Variants in SLMAP observed in about 807,000 individuals in gnomAD.
The protein encoded by SLMAP is sarcolemma associated protein, also known as sarcolemmal membrane-associated protein.
SLMAP carries 44 observed loss-of-function variants against 128.8 expected under a neutral mutation model. That is an observed-to-expected ratio of 0.34 (90% CI 0.27 to 0.44). The LOEUF is 0.44. Ranked by LOEUF, SLMAP falls within the 20% of genes least tolerant of loss-of-function variation. The pLI is 1.00. For missense variants in SLMAP, 787 were observed against 985.3 expected, an observed-to-expected ratio of 0.80 and a Z score of 2.69; for synonymous variants, 327 against 348.8, an observed-to-expected ratio of 0.94 and a Z score of 0.70.
intron 17 of SLMAP, among the ~76,000 whole-genome samples, chr3:57,904,558 A>T (rs374388466): frequency 1.3e-5 from 2 of 152,212 alleles, no homozygotes; most frequent in African/African-American, 4.8e-5. Flanking sequence ...ACATGGGTAC[A>T]TTACTATTCT....
rs550798916 is a variant in SLMAP at position 57,910,564 on chromosome 3, C to T, written c.1699+1414C>T. ...TGATAATGGCTGTTCTTCTTATCAC[C>T]ATTTTGCTATTTCTTTGTCTGGGCT... On this transcript the variant is annotated intron_variant, in intron 19 of 24. Coordinates refer to ENST00000671191, the MANE Select transcript of SLMAP (RefSeq NM_001377540.1). 3.9e-4 allele frequency among the ~76,000 whole-genome samples: 60 copies of T among 152,300 alleles called. No homozygotes were observed. In the South Asian group the frequency reaches 0.012, roughly 31 times the overall value.
chr3:57,835,905 C>T (rs1205562894), intron 3 of SLMAP, among the ~76,000 whole-genome samples: 2 of 152,078 alleles, frequency 1.3e-5, no homozygotes, highest in African/African-American at 2.4e-5. Flanking sequence ...CTTTTGAATA[C>T]ACTTATAATA....
chr3:57,923,050 TTTGA>T, intron 23 of SLMAP, 27 bp downstream of exon 23: 2 of 1,609,238 alleles, frequency 1.2e-6, no homozygotes, highest in Non-Finnish European at 1.7e-6. Flanking sequence ...TTGGCTTAGC[TTTGA>T]TTGAGAGGCA....
intron 8 of SLMAP, 50 bp downstream of exon 8, chr3:57,858,209 A>G (rs370014494): frequency 1.0e-6 from 1 of 999,690 alleles, no homozygotes; most frequent in South Asian, 1.3e-5. Context: ...TTTTTTATGT[A>G]ACATCATTTC....
chr3:57,790,541 T>G (rs970671396), intron 2 of SLMAP, among the ~76,000 whole-genome samples: 2 of 152,202 alleles, frequency 1.3e-5, no homozygotes, highest in Non-Finnish European at 2.9e-5. Flanking sequence ...CTACCTAATT[T>G]TATGTTATTT....
At chr3:57,774,968 A>G (rs1250518614) in intron 2 of SLMAP, among the ~76,000 whole-genome samples, 1 of 152,200 alleles carries the variant, frequency 6.6e-6, no homozygotes, top group Non-Finnish European at 1.5e-5. Context: ...CCTGATATTT[A>G]AGTCCTGCTG....
At chr3:57,803,235 C>G (rs965446472) in intron 2 of SLMAP, among the ~76,000 whole-genome samples, 1 of 151,972 alleles carries the variant, frequency 6.6e-6, no homozygotes, top group African/African-American at 2.4e-5. Flanking sequence ...AGTATATACT[C>G]ATGTTTCCAG....
intron 5 of SLMAP, 61 bp downstream of exon 5, chr3:57,847,294 G>T: frequency 8.3e-7 from 1 of 1,203,172 alleles, no homozygotes; most frequent in East Asian, 2.3e-5. Flanking sequence ...GAAAATGTTT[G>T]TTTTTAATAT....
At chr3:57,914,276 C>A (rs993782584) in intron 21 of SLMAP, among the ~76,000 whole-genome samples, 1 of 151,936 alleles carries the variant, frequency 6.6e-6, no homozygotes, top group East Asian at 1.9e-4. Context: ...GGCCTGTAGT[C>A]CCAGCTACTC....
intron 2 of SLMAP, among the ~76,000 whole-genome samples, chr3:57,787,977 T>C (rs921317357): frequency 6.6e-5 from 10 of 152,188 alleles, no homozygotes; most frequent in Admixed American, 1.3e-4. Context: ...GAATGACCAA[T>C]GATAAGATGG....
Position 57,927,801 on chromosome 3 carries a change from A to T in SLMAP, c.*512A>T, listed in dbSNP as rs2097032411. On this transcript the variant is annotated 3_prime_UTR_variant, in exon 25 of 25. Transcript: ENST00000671191. ...ACCAAACAACCAATACATACATGGG[A>T]AGAGAGGCCCTGTGTGCTCAGTGCC... 6.5e-6 allele frequency: 1 copy of T among 153,166 alleles called. No individual in the cohort carries two copies. Among genetic ancestry groups the T allele is most frequent in the Non-Finnish European group, 1.5e-5 (1 of 68,430 alleles). 9.5% of individuals were successfully genotyped at this position (153,166 alleles called of 1,614,324 possible). A position where few individuals can be genotyped will look rare whatever the true frequency, so the allele number is the denominator to read the frequency against.
intron 3 of SLMAP, among the ~76,000 whole-genome samples, chr3:57,836,512 T>G: frequency 6.6e-6 from 1 of 152,184 alleles, no homozygotes. Context: ...TTAAATTTTT[T>G]TAATTTATAG....
chr3:57,897,048 G>T (rs2096261263), intron 17 of SLMAP, 116 bp downstream of exon 17: 1 of 1,488,604 alleles, frequency 6.7e-7, no homozygotes, highest in African/African-American at 1.4e-5. Context: ...ATTAAGATAG[G>T]TTCTGTAAAG....
intron 2 of SLMAP, among the ~76,000 whole-genome samples, chr3:57,784,080 A>C (rs1012446174): frequency 6.6e-6 from 1 of 152,146 alleles, no homozygotes; most frequent in African/African-American, 2.4e-5. Flanking sequence ...GATGTCATGG[A>C]TAGGCGGGGG....
At chr3:57,786,150 T>C (rs1206209065) in intron 2 of SLMAP, among the ~76,000 whole-genome samples, 2 of 152,224 alleles carry the variant, frequency 1.3e-5, no homozygotes, top group East Asian at 3.8e-4. Flanking sequence ...ATCAGTTTGA[T>C]AATACTGTGG....
chr3:57,916,816 T>C, intron 21 of SLMAP, 90 bp from the exon 22 acceptor site: 1 of 991,798 alleles, frequency 1.0e-6, no homozygotes, highest in Non-Finnish European at 1.5e-6. Flanking sequence ...ATCCACTCTA[T>C]CCCTTCTAGT....
intron 14 of SLMAP, among the ~76,000 whole-genome samples, chr3:57,887,569 A>G (rs1334662498): frequency 6.6e-6 from 1 of 152,130 alleles, no homozygotes; most frequent in Non-Finnish European, 1.5e-5. Flanking sequence ...TTCACACTAC[A>G]TGTCCATGGT....
chr3:57,919,946 G>A (rs2096886448), intron 22 of SLMAP, among the ~76,000 whole-genome samples: 1 of 152,166 alleles, frequency 6.6e-6, no homozygotes, highest in Non-Finnish European at 1.5e-5. Flanking sequence ...GGATCCCCCT[G>A]GTTGAGCTGC....
chr3:57,803,897 T>G (rs1420429674), intron 2 of SLMAP, among the ~76,000 whole-genome samples: 1 of 152,220 alleles, frequency 6.6e-6, no homozygotes, highest in Non-Finnish European at 1.5e-5. Flanking sequence ...TTCAAGTAAA[T>G]AATTCTGTCA....
Sources: allele counts gnomAD v4.1 joint callset (sites outside exome capture counted in the v4.1 genomes callset), GRCh38; gene constraint gnomAD v4.1.1; transcripts MANE v1.5; gene names NCBI Gene and HGNC (gene_info 2026-07-23, HGNC 2026-07-21).